The following SLC25A13 variants were observed in gnomAD, a reference collection of about 807,000 sequenced individuals.
SLC25A13 encodes the protein solute carrier family 25 member 13.
A neutral mutation model predicts 85.5 loss-of-function variants in SLC25A13; 70 were observed. The observed-to-expected ratio is 0.82, with a 90% CI of 0.68 to 1.00. The LOEUF is 1.00. Among genes scored for constraint, SLC25A13 ranks in the 50% least tolerant of loss-of-function variants. The probability of loss-of-function intolerance (pLI) is 0.00; values close to 1 mark genes in which losing one functional copy is unlikely to be tolerated. For synonymous variants in SLC25A13, 259 were observed against 288.7 expected (o/e 0.90, Z 1.04); for missense variants, 765 against 819.8 (o/e 0.93, Z 0.82).
chr7:96,192,968 A>G (rs1190879469), intron 6 of SLC25A13, 69 bp downstream of exon 6: 1 of 1,530,516 alleles, frequency 6.5e-7, no homozygotes, highest in Admixed American at 1.7e-5. Flanking sequence ...TACATAACTT[A>G]TAAGAATTGT....
At chr7:96,289,044 C>A (rs1352382787) in intron 2 of SLC25A13, among the ~76,000 whole-genome samples, 10 of 152,174 alleles carry the variant, frequency 6.6e-5, no homozygotes, top group Non-Finnish European at 1.0e-4. Flanking sequence ...AGCCGGGTAC[C>A]CCTCTGAAAT....
At chr7:96,237,569 T>G (rs1032106994) in intron 3 of SLC25A13, among the ~76,000 whole-genome samples, 4 of 152,178 alleles carry the variant, frequency 2.6e-5, no homozygotes, top group Admixed American at 6.5e-5. Context: ...TTCAAAACTT[T>G]GTTTTAGAAA....
chr7:96,284,026 T>A (rs976133435), intron 2 of SLC25A13, among the ~76,000 whole-genome samples: 1 of 152,124 alleles, frequency 6.6e-6, no homozygotes, highest in African/African-American at 2.4e-5. Flanking sequence ...GATGGCCAGA[T>A]ATTATTTATG....
At chr7:96,189,212 G>C (rs536979432) in intron 9 of SLC25A13, 82 bp downstream of exon 9, 1 of 1,227,254 alleles carries the variant, frequency 8.1e-7, no homozygotes, top group East Asian at 2.4e-5. Context: ...TACCAATGCC[G>C]CAAAGGCAAC....
intron 2 of SLC25A13, among the ~76,000 whole-genome samples, chr7:96,288,432 G>A (rs1482530695): frequency 2.6e-5 from 4 of 152,208 alleles, no homozygotes; most frequent in African/African-American, 9.6e-5. Flanking sequence ...GCAGGACAGT[G>A]GGTGCAGCCC....
intron 3 of SLC25A13, among the ~76,000 whole-genome samples, chr7:96,264,347 G>A (rs550381052): frequency 1.3e-5 from 2 of 152,166 alleles, no homozygotes; most frequent in African/African-American, 4.8e-5. Flanking sequence ...TGTAGTATAC[G>A]AATCTCTCTC....
At chr7:96,239,842 T>C (rs1418053455) in intron 3 of SLC25A13, among the ~76,000 whole-genome samples, 1 of 152,218 alleles carries the variant, frequency 6.6e-6, no homozygotes, top group Non-Finnish European at 1.5e-5. Flanking sequence ...CTGGAAGCCA[T>C]TTATAACAGT....
intron 1 of SLC25A13, among the ~76,000 whole-genome samples, chr7:96,311,959 G>A (rs2117027513): frequency 6.6e-6 from 1 of 152,260 alleles, no homozygotes; most frequent in African/African-American, 2.4e-5. Flanking sequence ...AAACTGCTGT[G>A]AAGAATATGA....
rs963726789 is a variant in SLC25A13 at position 96,120,790 on chromosome 7, C to G, written c.*401G>C. 13 of 458,156 alleles carry G rather than the reference C, an allele frequency of 2.8e-5. No individual in the cohort carries two copies. Among genetic ancestry groups the G allele is most frequent in the African/African-American group, 2.6e-4 (13 of 50,112 alleles). 28.4% of individuals were successfully genotyped at this position (458,156 alleles called of 1,614,324 possible). Reference sequence around the variant, plus strand: ...ATTTTTATAAATATGCACCTAGTTTCCTACCAGTTTAAAACACACACGAAA... The same window carrying G: ...ATTTTTATAAATATGCACCTAGTTTGCTACCAGTTTAAAACACACACGAAA... On this transcript the variant is annotated 3_prime_UTR_variant, in exon 18 of 18. Transcript: ENST00000265631.
intron 14 of SLC25A13, 110 bp from the exon 15 acceptor site, chr7:96,131,991 T>C: frequency 7.3e-7 from 1 of 1,364,590 alleles, no homozygotes; most frequent in Non-Finnish European, 1.0e-6. Flanking sequence ...AAGACCAAAT[T>C]TGTACTCACA....
At chr7:96,299,932 T>C (rs1041300484) in intron 1 of SLC25A13, among the ~76,000 whole-genome samples, 4 of 152,192 alleles carry the variant, frequency 2.6e-5, no homozygotes, top group African/African-American at 9.7e-5. Flanking sequence ...TTTTAAAAGA[T>C]AAAAAGTGGA....
chr7:96,201,923 C>A (rs1469307545), intron 5 of SLC25A13, among the ~76,000 whole-genome samples: 1 of 152,132 alleles, frequency 6.6e-6, no homozygotes, highest in East Asian at 1.9e-4. Context: ...CCACATCTGA[C>A]CAGCAGCAGT....
At chr7:96,191,452 A>G (rs1218413292) in intron 6 of SLC25A13, among the ~76,000 whole-genome samples, 7 of 152,158 alleles carry the variant, frequency 4.6e-5, no homozygotes. Context: ...CAGAACTTGT[A>G]CTCTCCATAC....
At chr7:96,258,913 C>T (rs1797742335) in intron 3 of SLC25A13, among the ~76,000 whole-genome samples, 1 of 152,138 alleles carries the variant, frequency 6.6e-6, no homozygotes, top group South Asian at 2.1e-4. Flanking sequence ...TAACACCACA[C>T]ATCTACAACC....
chr7:96,310,959 C>T (rs1315885093), intron 1 of SLC25A13, among the ~76,000 whole-genome samples: 1 of 152,170 alleles, frequency 6.6e-6, no homozygotes, highest in Non-Finnish European at 1.5e-5. Context: ...CAATGTTCTA[C>T]ATCACCATTA....
At chr7:96,292,060 A>T (rs1160219315) in intron 2 of SLC25A13, among the ~76,000 whole-genome samples, 3 of 152,378 alleles carry the variant, frequency 2.0e-5, no homozygotes, top group African/African-American at 7.2e-5. Context: ...ATTCAGCAGC[A>T]CATCAAAATG....
chr7:96,204,293 T>C (rs1429799656), intron 5 of SLC25A13, among the ~76,000 whole-genome samples: 1 of 152,210 alleles, frequency 6.6e-6, no homozygotes, highest in Non-Finnish European at 1.5e-5. Flanking sequence ...AGTGACTCAG[T>C]ACTGACTACA....
At chr7:96,321,095 G>A (rs769111589) in intron 1 of SLC25A13, among the ~76,000 whole-genome samples, 2 of 152,238 alleles carry the variant, frequency 1.3e-5, no homozygotes, top group Non-Finnish European at 2.9e-5. Flanking sequence ...TTCTGCCAGA[G>A]AAGTTGAAAT....
At chr7:96,273,600 C>G (rs547328723) in intron 3 of SLC25A13, among the ~76,000 whole-genome samples, 1 of 152,040 alleles carries the variant, frequency 6.6e-6, no homozygotes, top group South Asian at 2.1e-4. Context: ...TATGTGTGTA[C>G]GTGTTTGTGT....
Sources: allele counts gnomAD v4.1 joint callset (sites outside exome capture counted in the v4.1 genomes callset), GRCh38; gene constraint gnomAD v4.1.1; transcripts MANE v1.5; gene names NCBI Gene and HGNC (gene_info 2026-07-23, HGNC 2026-07-21).